The following ITPR2 variants were observed in gnomAD, a reference collection of about 807,000 sequenced individuals.
The protein encoded by ITPR2 is inositol 1,4,5-trisphosphate-gated calcium channel ITPR2.
Under a neutral mutation model 317.1 loss-of-function variants are expected in ITPR2, and 207 were observed. That is an observed-to-expected ratio of 0.65 (90% confidence interval 0.58 to 0.73). The LOEUF is 0.73. ITPR2 is among the 30% of genes least tolerant of loss of function. ITPR2 has a pLI of 0.00. For synonymous variants in ITPR2, 1,156 were observed against 1,149.1 expected, an observed-to-expected ratio of 1.01 and a Z score of -0.12; for missense variants, 2,613 against 3,284.0, an observed-to-expected ratio of 0.80 and a Z score of 4.99.
chr12:26,736,782 TCAAA>T (rs1949126120), intron 2 of ITPR2, among the ~76,000 whole-genome samples: 1 of 152,226 alleles, frequency 6.6e-6, no homozygotes, highest in Non-Finnish European at 1.5e-5. Context: ...GACTGATTCC[TCAAA>T]CAGAGGAAGA....
intron 13 of ITPR2, among the ~76,000 whole-genome samples, chr12:26,681,027 G>A (rs1948018751): frequency 6.6e-6 from 1 of 152,116 alleles, no homozygotes; most frequent in Non-Finnish European, 1.5e-5. Context: ...TGAATGCCTG[G>A]GAAATTGGCA....
At chr12:26,375,041 A>T (rs1939295730) in intron 55 of ITPR2, among the ~76,000 whole-genome samples, 1 of 152,220 alleles carries the variant, frequency 6.6e-6, no homozygotes, top group East Asian at 1.9e-4. Context: ...CATTAGACAG[A>T]ATTCGTGTGG....
At chr12:26,480,632 G>C (rs1365328394) in intron 43 of ITPR2, among the ~76,000 whole-genome samples, 1 of 152,106 alleles carries the variant, frequency 6.6e-6, no homozygotes, top group Non-Finnish European at 1.5e-5. Flanking sequence ...ACGAGGTCAG[G>C]AGTTCCAGAC....
chr12:26,577,858 C>A (rs1168151104), intron 34 of ITPR2, among the ~76,000 whole-genome samples: 1 of 152,110 alleles, frequency 6.6e-6, no homozygotes, highest in Non-Finnish European at 1.5e-5. Flanking sequence ...ATAACCCTGG[C>A]CAAATTGCAT....
chr12:26,739,546 G>A (rs148828023), intron 2 of ITPR2, among the ~76,000 whole-genome samples: 3 of 152,258 alleles, frequency 2.0e-5, no homozygotes, highest in East Asian at 3.9e-4. Flanking sequence ...AAAGAAGCCA[G>A]ACACAAAAGA....
intron 48 of ITPR2, among the ~76,000 whole-genome samples, chr12:26,431,129 C>G (rs1323201005): frequency 6.6e-6 from 1 of 152,168 alleles, no homozygotes; most frequent in East Asian, 1.9e-4. Flanking sequence ...CATAGCGGCG[C>G]TCCACCAACA....
At chr12:26,486,395 C>T (rs1231182876) in intron 40 of ITPR2, 35 bp from the exon 41 acceptor site, 1 of 1,450,252 alleles carries the variant, frequency 6.9e-7, no homozygotes, top group Admixed American at 2.2e-5. Context: ...ATTTCTGAAC[C>T]AATTTGCTTT....
intron 55 of ITPR2, among the ~76,000 whole-genome samples, chr12:26,385,687 G>A (rs1416356668): frequency 6.6e-6 from 1 of 152,076 alleles, no homozygotes; most frequent in Non-Finnish European, 1.5e-5. Flanking sequence ...GGCAACTCAC[G>A]ATCCCCTGAG....
At chr12:26,772,491 C>T (rs142089045) in intron 2 of ITPR2, among the ~76,000 whole-genome samples, 2,167 of 99,592 alleles carry the variant, frequency 0.022, 74 homozygotes, top group Non-Finnish European at 0.032. Context: ...ATATATAATA[C>T]ATATAATACA....
At chr12:26,740,680 A>G (rs576447826) in intron 2 of ITPR2, among the ~76,000 whole-genome samples, 2 of 152,328 alleles carry the variant, frequency 1.3e-5, no homozygotes, top group South Asian at 4.1e-4. Flanking sequence ...AGGAAAAAAG[A>G]TTTTCACTTT....
At chr12:26,415,190 A>T in intron 51 of ITPR2, 113 bp downstream of exon 51, 1 of 697,464 alleles carries the variant, frequency 1.4e-6, no homozygotes, top group Non-Finnish European at 2.4e-6. Context: ...ATATTCTCAA[A>T]GGAATAAAAG....
chr12:26,587,287 AT>A (rs1945553169), intron 32 of ITPR2, among the ~76,000 whole-genome samples: 1 of 140,432 alleles, frequency 7.1e-6, no homozygotes, highest in Admixed American at 6.8e-5. Context: ...ATAAATATAT[AT>A]ATATATATAT....
chr12:26,721,163 TCACAGCA>T (rs1948832160), intron 5 of ITPR2: 1 of 423,316 alleles, frequency 2.4e-6, no homozygotes, highest in Non-Finnish European at 4.2e-6. Flanking sequence ...TGTATCATGC[TCACAGCA>T]CACATCACCT....
At chr12:26,682,223 C>G (rs750432740) in intron 12 of ITPR2, among the ~76,000 whole-genome samples, 189 bp from the exon 13 acceptor site, 2 of 152,172 alleles carry the variant, frequency 1.3e-5, no homozygotes, top group Non-Finnish European at 2.9e-5. Flanking sequence ...ACTTCCTGCC[C>G]TGTTCCCAAA....
intron 45 of ITPR2, among the ~76,000 whole-genome samples, chr12:26,466,111 A>G (rs1245934604): frequency 6.6e-6 from 1 of 152,230 alleles, no homozygotes; most frequent in Non-Finnish European, 1.5e-5. Flanking sequence ...GGTGAATATA[A>G]TATCTATTTT....
Position 26,684,484 on chromosome 12 carries a change from T to G in ITPR2, c.1149-1811A>C, listed in dbSNP as rs140560135. Among the ~76,000 whole-genome samples the G allele has an allele frequency of 2.7e-3, 418 of 152,318 alleles. 1 individual carries two copies. The highest frequency in any genetic ancestry group is 9.8e-3 in the African/African-American group (406 of 41,574). On this transcript the variant is annotated intron_variant, in intron 11 of 56. Transcript: ENST00000381340. ...TGATCTGTAAGAGTTACTGCCAGTA[T>G]GCAATAAGACAATATTTATTAAGAA...
chr12:26,607,739 A>G (rs1946168942), intron 26 of ITPR2, among the ~76,000 whole-genome samples: 1 of 152,184 alleles, frequency 6.6e-6, no homozygotes, highest in African/African-American at 2.4e-5. Flanking sequence ...ATACATATCC[A>G]TAACCGTACC....
chr12:26,382,786 G>A (rs530990417), intron 55 of ITPR2, among the ~76,000 whole-genome samples: 2 of 152,242 alleles, frequency 1.3e-5, no homozygotes, highest in East Asian at 1.9e-4. Flanking sequence ...TGTTTCCTGC[G>A]ATTCTAACCC....
chr12:26,433,275 A>T (rs545772417), intron 48 of ITPR2, among the ~76,000 whole-genome samples: 2 of 152,024 alleles, frequency 1.3e-5, no homozygotes, highest in Non-Finnish European at 2.9e-5. Flanking sequence ...GAGCCTCTAC[A>T]TTGGTTACTA....
Sources: gnomAD v4.1 joint callset for allele counts (sites outside exome capture counted in the v4.1 genomes callset) on GRCh38, gnomAD v4.1.1 for gene constraint, MANE v1.5 for transcripts, NCBI Gene and HGNC (gene_info 2026-07-23, HGNC 2026-07-21) for gene names.